The following PTPRD variants were observed in gnomAD, a reference collection of about 807,000 sequenced individuals.
PTPRD encodes the protein protein tyrosine phosphatase receptor type D.
A neutral mutation model predicts 214.5 loss-of-function variants in PTPRD; 34 were observed. The observed-to-expected ratio is 0.16, with a 90% confidence interval of 0.12 to 0.21. PTPRD has a LOEUF of 0.21. Ranked by LOEUF, PTPRD falls within the 10% of genes least tolerant of loss-of-function variation. PTPRD has a pLI of 1.00. For synonymous variants in PTPRD, 1,128 were observed against 845.7 expected, an observed-to-expected ratio of 1.33 and a Z score of -5.79; for missense variants, 2,545 against 2,398.7, an observed-to-expected ratio of 1.06 and a Z score of -1.27.
intron 2 of PTPRD, among the ~76,000 whole-genome samples, chr9:10,346,457 AAT>A (rs1254371853): frequency 6.6e-6 from 1 of 152,224 alleles, no homozygotes; most frequent in African/African-American, 2.4e-5. Context: ...ATTATATAAG[AAT>A]ATATGATACA....
chr9:9,076,793 T>C (rs75385618), intron 10 of PTPRD, among the ~76,000 whole-genome samples: 1 of 24,732 alleles, frequency 4.0e-5, no homozygotes, highest in African/African-American at 1.2e-4. Context: ...GATAATTTCC[T>C]TTTTTTTTTT....
chr9:10,279,666 T>G (rs1373565061), intron 3 of PTPRD, among the ~76,000 whole-genome samples: 1 of 151,416 alleles, frequency 6.6e-6, no homozygotes, highest in Admixed American at 6.6e-5. Flanking sequence ...AGGTACTATA[T>G]GCTAGACACT....
intron 7 of PTPRD, among the ~76,000 whole-genome samples, chr9:9,649,298 G>A (rs543810550): frequency 6.6e-6 from 1 of 152,132 alleles, no homozygotes; most frequent in African/African-American, 2.4e-5. Flanking sequence ...CAAAGGCACA[G>A]AAATCCCTTC....
intron 7 of PTPRD, among the ~76,000 whole-genome samples, chr9:9,656,873 A>G (rs2096528364): frequency 6.6e-6 from 1 of 152,014 alleles, no homozygotes; most frequent in South Asian, 2.1e-4. Context: ...GAAAAGATAT[A>G]TATATATATA....
intron 3 of PTPRD, among the ~76,000 whole-genome samples, chr9:10,082,891 G>A (rs1176342584): frequency 6.7e-6 from 1 of 149,536 alleles, no homozygotes; most frequent in Admixed American, 6.7e-5. Flanking sequence ...GGTTGTCAAT[G>A]GTAAAACTCC....
rs773537752 is a variant in PTPRD at position 8,465,492 on chromosome 9, A to G, written c.3688T>C (p.Leu1230=). ...QSGQEYVFFV[L]AVMEHAESKM... ...GACTCTGCATGTTCCATTACTGCTA[A>G]CACAAAGAAGACATATTCTTGACCA... is the stretch of plus-strand genomic sequence containing the variant. Residue 1230 remains leucine (L), a synonymous_variant, in exon 32 of 46, where the codon TTA becomes CTA. Transcript: ENST00000381196. 2 of 1,612,438 alleles carry G rather than the reference A, an allele frequency of 1.2e-6. No homozygotes were observed. The highest frequency in any genetic ancestry group is 2.2e-5 in the South Asian group (2 of 91,030).
At chr9:9,649,505 A>G (rs1256974239) in intron 7 of PTPRD, among the ~76,000 whole-genome samples, 1 of 152,224 alleles carries the variant, frequency 6.6e-6, no homozygotes, top group Non-Finnish European at 1.5e-5. Flanking sequence ...AGTCTTCTAA[A>G]CAGAAAAACA....
chr9:10,475,455 T>C (rs1447698369), intron 2 of PTPRD, among the ~76,000 whole-genome samples: 1 of 151,640 alleles, frequency 6.6e-6, no homozygotes, highest in East Asian at 1.9e-4. Context: ...TCCCTGAATA[T>C]AGGAATAAAA....
intron 4 of PTPRD, among the ~76,000 whole-genome samples, chr9:9,947,485 TATATATTATATATATTTTATATATATAA>T (rs1229202709): frequency 3.0e-4 from 9 of 30,048 alleles, no homozygotes; most frequent in African/African-American, 1.2e-3. Context: ...ATATATTTTA[TATATATTATATATATTTTATATATATAA>T]TATATATATT....
intron 3 of PTPRD, among the ~76,000 whole-genome samples, chr9:10,122,280 C>G (rs1365553006): frequency 2.0e-5 from 3 of 152,066 alleles, no homozygotes; most frequent in Non-Finnish European, 2.9e-5. Flanking sequence ...TGCACTCCAG[C>G]CTTGGCAATG....
intron 5 of PTPRD, among the ~76,000 whole-genome samples, chr9:9,815,144 G>A (rs554659767): frequency 6.6e-6 from 1 of 152,082 alleles, no homozygotes; most frequent in African/African-American, 2.4e-5. Flanking sequence ...ATATGATATT[G>A]GCATAAAAAC....
intron 3 of PTPRD, among the ~76,000 whole-genome samples, chr9:10,307,880 C>A (rs921634551): frequency 6.6e-6 from 1 of 151,924 alleles, no homozygotes; most frequent in Admixed American, 6.6e-5. Context: ...TGAAAAATAT[C>A]TATTCATATC....
At chr9:9,559,956 T>C (rs1280732476) in intron 8 of PTPRD, among the ~76,000 whole-genome samples, 1 of 152,158 alleles carries the variant, frequency 6.6e-6, no homozygotes, top group East Asian at 1.9e-4. Context: ...CCTGGAAACT[T>C]ATCTGGGTTC....
At position 9,986,880 on chromosome 9, in the gene PTPRD, T is replaced by A. The variant is rs2095730885; in HGVS notation, c.-472+46838A>T. 3.3e-5 allele frequency among the ~76,000 whole-genome samples: 4 copies of A among 122,554 alleles called. No individual in the cohort carries two copies. The South Asian group carries it at 1.2e-3, about 36-fold the overall frequency. 80.4% of individuals were successfully genotyped at this position (122,554 alleles called of 152,430 possible). A position where few individuals can be genotyped will look rare whatever the true frequency, so the allele number is the denominator to read the frequency against. ...GTACTGTACACTTAAAATATGTTAA[T>A]AGTGTAGATTTCATATTTTTTTTTT... On this transcript the variant is annotated intron_variant, in intron 4 of 45. Transcript: ENST00000381196.
intron 4 of PTPRD, among the ~76,000 whole-genome samples, chr9:10,004,566 A>C (rs192925415): frequency 1.3e-5 from 2 of 151,978 alleles, no homozygotes; most frequent in African/African-American, 4.8e-5. Context: ...CATATTATAC[A>C]ATAAATAATT....
chr9:10,131,089 G>A (rs766724262), intron 3 of PTPRD, among the ~76,000 whole-genome samples: 1 of 152,132 alleles, frequency 6.6e-6, no homozygotes. Flanking sequence ...TTGGAGGCTG[G>A]GCTGCAGAGG....
intron 3 of PTPRD, among the ~76,000 whole-genome samples, chr9:10,108,339 C>G (rs538765664): frequency 6.6e-6 from 1 of 152,006 alleles, no homozygotes; most frequent in East Asian, 1.9e-4. Flanking sequence ...GAAATCTACT[C>G]TCTTTGCAAT....
intron 6 of PTPRD, among the ~76,000 whole-genome samples, chr9:9,764,455 A>G (rs1404506883): frequency 6.6e-6 from 1 of 152,182 alleles, no homozygotes; most frequent in Admixed American, 6.5e-5. Flanking sequence ...GTGCCCACCT[A>G]AAAAGATAAA....
At chr9:10,047,907 C>T (rs543725293) in intron 3 of PTPRD, among the ~76,000 whole-genome samples, 6 of 152,132 alleles carry the variant, frequency 3.9e-5, no homozygotes, top group African/African-American at 1.4e-4. Flanking sequence ...GCTCCTCTCA[C>T]TACCCACCTT....
Sources: allele counts gnomAD v4.1 joint callset (sites outside exome capture counted in the v4.1 genomes callset), GRCh38; gene constraint gnomAD v4.1.1; transcripts MANE v1.5; gene names NCBI Gene and HGNC (gene_info 2026-07-23, HGNC 2026-07-21).